EXD3: variants seen among roughly 807,000 people sequenced by gnomAD.
EXD3 encodes exonuclease 3'-5' domain containing 3, also known as exonuclease mut-7 homolog.
A neutral mutation model predicts 98.0 loss-of-function variants in EXD3; 92 were observed. The ratio of observed to expected loss-of-function variants is 0.94; its 90% CI spans 0.79 to 1.12. The LOEUF is 1.12. EXD3 is among the 50% of genes most tolerant of loss of function. EXD3 has a pLI of 0.00. For synonymous variants in EXD3, 569 were observed against 526.0 expected (o/e 1.08, Z -1.12); for missense variants, 1,222 against 1,191.6 (o/e 1.03, Z -0.38).
At chr9:137,408,776 C>T (rs1223222944) in intron 1 of EXD3, among the ~76,000 whole-genome samples, 1 of 152,150 alleles carries the variant, frequency 6.6e-6, no homozygotes, top group East Asian at 1.9e-4. Flanking sequence ...TCGAGCCAAT[C>T]GGAATGGACA....
chr9:137,361,965 A>G (rs1425330977), intron 7 of EXD3, among the ~76,000 whole-genome samples: 4 of 152,150 alleles, frequency 2.6e-5, no homozygotes, highest in African/African-American at 9.7e-5. Context: ...CTTTAAGCCA[A>G]TAAGTTTGAC....
rs190944756 is a variant in EXD3, at chr9:137,411,962, G to A, written c.-48+11152C>T. On this transcript the variant is annotated intron_variant, in intron 1 of 21. Transcript: ENST00000340951. ...GGTGGGCCTTGTGCCGCCAGCAGGC[G>A]TGGCCAGGAGGGCGGGAGGCGGCAA... is the stretch of plus-strand genomic sequence containing the variant. Among the ~76,000 whole-genome samples, 1,215 of 152,300 alleles carry A rather than the reference G, an allele frequency of 8.0e-3. 8 individuals carry two copies. The highest frequency in any genetic ancestry group is 0.013 in the Non-Finnish European group (890 of 68,008).
Position 137,352,221 on chromosome 9 carries a change from T to G in EXD3, c.1038-20A>C, listed in dbSNP as rs755701463. ...GTCGCCCTGGGAGGAGCAGAGCTGG[T>G]AGCGCCCCCATGTCCCTGGTCCCCC... On this transcript the variant is annotated intron_variant, in intron 11 of 21. Transcript: ENST00000340951. The G allele has an allele frequency of 2.5e-6, 4 of 1,612,000 alleles. No homozygotes were observed. Among genetic ancestry groups the G allele is most frequent in the Non-Finnish European group, 3.4e-6 (4 of 1,179,508 alleles).
intron 8 of EXD3, among the ~76,000 whole-genome samples, chr9:137,355,654 G>GATGGAGA (rs1834700430): frequency 4.7e-5 from 5 of 107,152 alleles, no homozygotes; most frequent in Non-Finnish European, 1.1e-4. Context: ...GAGGAAGGAG[G>GATGGAGA]AAGGAGGAAG....
At chr9:137,341,042 A>G (rs1421625256) in intron 17 of EXD3, among the ~76,000 whole-genome samples, 5 of 152,302 alleles carry the variant, frequency 3.3e-5, no homozygotes, top group Admixed American at 2.0e-4. Flanking sequence ...CAAGCTGGGC[A>G]GGGTGGCTCA....
chr9:137,309,685 G>A lies in EXD3; in HGVS notation c.2200C>T (p.Gln734Ter), dbSNP rs888839908. The A allele has an allele frequency of 6.4e-7, 1 of 1,555,820 alleles. No individual in the cohort carries two copies. Among genetic ancestry groups the A allele is most frequent in the Admixed American group, 1.9e-5 (1 of 51,668 alleles). The change falls in exon 20 of 22, where the codon CAG (glutamine) becomes TAG (stop). Residue 734 changes from glutamine (Q) to a stop codon, truncating the protein, a stop_gained. Coordinates refer to ENST00000340951, the MANE Select transcript of EXD3 (RefSeq NM_017820.5). LOFTEE classifies it high-confidence loss of function. Reference protein sequence around the residue: ...FSRCQACNCDQYLKVSRDMMK... With the variant: ...FSRCQACNCD ...ATGTCCCTGGAGACCTTTAGGTACT[G>A]GTCACAGTTACAGGCCTGGGGGCCA...
At chr9:137,353,948 C>T (rs879309752) in intron 10 of EXD3, 27 of 1,051,624 alleles carry the variant, frequency 2.6e-5, no homozygotes, top group South Asian at 9.1e-5. Context: ...GCTGCCCTTC[C>T]GGCCGGCTCT....
At chr9:137,318,632 A>G (rs1475521012) in intron 19 of EXD3, among the ~76,000 whole-genome samples, 1 of 149,614 alleles carries the variant, frequency 6.7e-6, no homozygotes, top group Non-Finnish European at 1.5e-5. Context: ...ACCCTGCCCC[A>G]GAGGGCACGG....
intron 19 of EXD3, among the ~76,000 whole-genome samples, chr9:137,314,682 G>C (rs956740155): frequency 6.7e-6 from 1 of 149,574 alleles, no homozygotes; most frequent in Non-Finnish European, 1.5e-5. Flanking sequence ...CCGCTGCCCC[G>C]TCCCCTTTGT....
rs1345694229 is a variant in EXD3, at chr9:137,349,682, A to G, written c.1495-151T>C. On this transcript the variant is annotated intron_variant, in intron 14 of 21. Transcript: ENST00000340951. This position sits in a 1 kb window ranked among gnomAD's most constrained non-coding sequence, Gnocchi z 7.4. ...CAGCAGAGACGGGGAGAAGGAGCGG[A>G]CACATCCGAGGAGAGGCTCCACGTG... 6.6e-6 allele frequency among the ~76,000 whole-genome samples: 1 copy of G among 152,040 alleles called. No individual in the cohort carries two copies. The highest frequency in any genetic ancestry group is 1.5e-5 in the Non-Finnish European group (1 of 67,982).
chr9:137,397,649 C>A (rs772829017), intron 1 of EXD3, among the ~76,000 whole-genome samples: 5 of 152,200 alleles, frequency 3.3e-5, no homozygotes, highest in Non-Finnish European at 5.9e-5. Flanking sequence ...ATTTCAACTG[C>A]GTTCACAGAA....
intron 1 of EXD3, among the ~76,000 whole-genome samples, chr9:137,409,937 G>C (rs1837914933): frequency 1.3e-5 from 2 of 152,212 alleles, no homozygotes; most frequent in African/African-American, 4.8e-5. Context: ...AGCACTTTAG[G>C]AGGCTGAGGC....
chr9:137,362,168 G>A (rs1835024740), intron 7 of EXD3, among the ~76,000 whole-genome samples: 2 of 152,120 alleles, frequency 1.3e-5, no homozygotes, highest in African/African-American at 4.8e-5. Flanking sequence ...ATTCTATCAG[G>A]CAAGCATTTT....
chr9:137,384,549 C>G (rs1311871053), intron 2 of EXD3, among the ~76,000 whole-genome samples: 2 of 152,246 alleles, frequency 1.3e-5, no homozygotes, highest in Non-Finnish European at 2.9e-5. Context: ...ACAGCCCGGC[C>G]TGGAGCCGTC....
intron 1 of EXD3, among the ~76,000 whole-genome samples, chr9:137,404,375 C>CACATG (rs1384131397): frequency 6.6e-6 from 1 of 152,204 alleles, no homozygotes; most frequent in Non-Finnish European, 1.5e-5. Flanking sequence ...ATGAAAGAGG[C>CACATG]GTGCCCATCT....
chr9:137,364,101 A>G (rs1043331092), intron 7 of EXD3, among the ~76,000 whole-genome samples: 1 of 151,902 alleles, frequency 6.6e-6, no homozygotes, highest in Non-Finnish European at 1.5e-5. Context: ...TTTCCTCCCT[A>G]CTTCCCTTAG....
intron 17 of EXD3, among the ~76,000 whole-genome samples, chr9:137,331,654 G>A (rs1025148571): frequency 1.2e-4 from 18 of 152,298 alleles, no homozygotes; most frequent in Middle Eastern, 6.8e-3. Context: ...GGTGGCTCAC[G>A]CCTGTAATCC....
At chr9:137,401,870 T>C (rs891404681) in intron 1 of EXD3, among the ~76,000 whole-genome samples, 7 of 152,250 alleles carry the variant, frequency 4.6e-5, no homozygotes, top group African/African-American at 1.7e-4. Context: ...CCCATGGTCT[T>C]GGGGATGAAC....
rs1190717167 is a variant in EXD3, at chr9:137,351,071, C to T, written c.1461G>A (p.Leu487=). Residue 487 remains leucine (L), a synonymous_variant, in exon 14 of 22, where the codon CTG becomes CTA. Transcript: ENST00000340951. ...GCACCAGCAGCAGGTCCATGCCGCC[C>T]AGAATCTGCTTCTCCACATGGGCCA... ...PALAHVEKQI[L]GGMDLLLVHR... 1 of 1,576,538 alleles carries T rather than the reference C, an allele frequency of 6.3e-7. No homozygotes were observed. The highest frequency in any genetic ancestry group is 8.6e-7 in the Non-Finnish European group (1 of 1,162,062).
Sources: allele counts gnomAD v4.1 joint callset (sites outside exome capture counted in the v4.1 genomes callset), GRCh38; gene constraint gnomAD v4.1.1; non-coding constraint Gnocchi (gnomAD v3.1); transcripts MANE v1.5; gene names NCBI Gene and HGNC (gene_info 2026-07-23, HGNC 2026-07-21).